MYO3B: variants seen among roughly 807,000 people sequenced by gnomAD.
MYO3B encodes myosin-IIIb.
Under a neutral mutation model 174.6 loss-of-function variants are expected in MYO3B, and 156 were observed. The observed-to-expected ratio is 0.89, with a 90% CI of 0.78 to 1.02. The LOEUF (loss-of-function observed/expected upper bound fraction) is 1.02, where lower values mean the gene tolerates loss of function less well. Ranked by LOEUF, MYO3B falls within the 50% of genes least tolerant of loss-of-function variation. MYO3B has a pLI of 0.00. For synonymous variants in MYO3B, 563 were observed against 569.1 expected (o/e 0.99, Z 0.15); for missense variants, 1,632 against 1,639.4 (o/e 1.00, Z 0.08).
chr2:170,337,499 G>T (rs964244814), intron 8 of MYO3B, among the ~76,000 whole-genome samples: 1 of 152,084 alleles, frequency 6.6e-6, no homozygotes, highest in Admixed American at 6.5e-5. Context: ...GAGTATGTTC[G>T]TAATCATAAA....
intron 5 of MYO3B, among the ~76,000 whole-genome samples, chr2:170,216,521 G>A (rs986830784): frequency 6.6e-6 from 1 of 152,108 alleles, no homozygotes; most frequent in Non-Finnish European, 1.5e-5. Context: ...GGACCTTTAC[G>A]CTCTCGTGAT....
intron 7 of MYO3B, among the ~76,000 whole-genome samples, chr2:170,261,463 G>T (rs2093345546): frequency 6.6e-6 from 1 of 152,232 alleles, no homozygotes; most frequent in South Asian, 2.1e-4. Context: ...TAAGGAGGGA[G>T]AATTGATCCC....
At chr2:170,296,459 C>T (rs374777751) in intron 7 of MYO3B, among the ~76,000 whole-genome samples, 14 of 152,286 alleles carry the variant, frequency 9.2e-5, no homozygotes, top group East Asian at 3.9e-4. Flanking sequence ...ATTATTTAGA[C>T]GTCTCCATGT....
At chr2:170,326,659 T>C (rs1319281616) in intron 7 of MYO3B, among the ~76,000 whole-genome samples, 1 of 152,224 alleles carries the variant, frequency 6.6e-6, no homozygotes, top group Non-Finnish European at 1.5e-5. Flanking sequence ...CTGAATTGCT[T>C]ATGCGTCCTG....
At chr2:170,627,639 ATTTTCTGT>A (rs1696565848) in intron 32 of MYO3B, among the ~76,000 whole-genome samples, 1 of 151,664 alleles carries the variant, frequency 6.6e-6, no homozygotes, top group South Asian at 2.1e-4. Context: ...GATTTTTAGA[ATTTTCTGT>A]TTTTCTGTTC....
intron 25 of MYO3B, 84 bp from the exon 26 acceptor site, chr2:170,498,508 G>A: frequency 2.4e-6 from 2 of 842,164 alleles, no homozygotes; most frequent in East Asian, 2.5e-5. Context: ...TAAAAAACAA[G>A]GTGTGTCAAT....
intron 27 of MYO3B, 121 bp downstream of exon 27, chr2:170,499,929 C>G: frequency 1.4e-6 from 1 of 736,916 alleles, no homozygotes; most frequent in South Asian, 2.1e-5. Context: ...TCCCCTCCCT[C>G]CCTCCCTTCC....
intron 28 of MYO3B, among the ~76,000 whole-genome samples, chr2:170,512,635 C>T (rs2106118808): frequency 6.6e-6 from 1 of 152,274 alleles, no homozygotes; most frequent in Admixed American, 6.5e-5. Flanking sequence ...AGGCCAGAGC[C>T]TCTTTCTGCA....
In MYO3B at chr2:170,554,675, T is replaced by C. The variant is rs1373333969; in HGVS notation, c.3733+10687T>C. 2.6e-5 allele frequency among the ~76,000 whole-genome samples: 4 copies of C among 152,382 alleles called. No homozygotes were observed. In the East Asian group the frequency reaches 7.7e-4, roughly 29 times the overall value. On this transcript the variant is annotated intron_variant, in intron 32 of 34. Transcript: ENST00000408978. ...CTGCAAACATAGCTGTGAAAAGTTC[T>C]TGCTAAACTTTTCCGGTGCTTTCCT...
chr2:170,465,879 CT>C (rs1452377536), intron 24 of MYO3B, among the ~76,000 whole-genome samples: 1 of 152,126 alleles, frequency 6.6e-6, no homozygotes, highest in African/African-American at 2.4e-5. Context: ...GTGGATGCCC[CT>C]GAGGAACAAC....
At chr2:170,551,057 C>G (rs1575152150) in intron 32 of MYO3B, among the ~76,000 whole-genome samples, 3 of 152,108 alleles carry the variant, frequency 2.0e-5, no homozygotes, top group South Asian at 2.1e-4. Context: ...AGCCACCACA[C>G]CTGGCTTTTT....
intron 8 of MYO3B, among the ~76,000 whole-genome samples, chr2:170,357,742 C>T (rs1241547529): frequency 6.6e-6 from 1 of 152,104 alleles, no homozygotes; most frequent in Non-Finnish European, 1.5e-5. Context: ...GGTAGTTCCT[C>T]AAGAAGACAA....
At chr2:170,614,241 A>G (rs1695305548) in intron 32 of MYO3B, among the ~76,000 whole-genome samples, 1 of 152,168 alleles carries the variant, frequency 6.6e-6, no homozygotes, top group African/African-American at 2.4e-5. Flanking sequence ...AATGAGGATA[A>G]TAATTCTCAC....
At chr2:170,466,051 C>A (rs1039933707) in intron 24 of MYO3B, among the ~76,000 whole-genome samples, 2 of 152,096 alleles carry the variant, frequency 1.3e-5, no homozygotes, top group African/African-American at 4.8e-5. Context: ...TTGTATTTTT[C>A]TTTTCTGTCC....
intron 23 of MYO3B, among the ~76,000 whole-genome samples, chr2:170,453,252 C>A (rs1237758521): frequency 6.6e-6 from 1 of 152,154 alleles, no homozygotes; most frequent in Non-Finnish European, 1.5e-5. Flanking sequence ...CCACAGCCCA[C>A]GTTCTATCCT....
At chr2:170,571,517 C>G (rs1692438158) in intron 32 of MYO3B, among the ~76,000 whole-genome samples, 1 of 152,076 alleles carries the variant, frequency 6.6e-6, no homozygotes, top group African/African-American at 2.4e-5. Context: ...CATTTTTGTT[C>G]TGAATGTTGT....
At position 170,180,414 on chromosome 2, in the gene MYO3B, C is replaced by T. The variant is rs564729889; in HGVS notation, c.2+2125C>T. ...ATGTAGAATTCACAGTGAACCCACT[C>T]ACTAATCCTCTTTGTCTCACTCTCT... On this transcript the variant is annotated intron_variant, in intron 1 of 34. Coordinates refer to ENST00000408978, the MANE Select transcript of MYO3B (RefSeq NM_138995.5). 5.3e-5 allele frequency among the ~76,000 whole-genome samples: 8 copies of T among 152,274 alleles called. No homozygotes were observed. In the South Asian group the frequency reaches 1.2e-3, roughly 24 times the overall value.
Position 170,242,671 on chromosome 2 carries a change from A to G in MYO3B, c.749+6535A>G, listed in dbSNP as rs536795342. Reference sequence around the variant, plus strand: ...TCAGGGACTTTGGGTCCCCACCACTACTGAGTAAGAAGCTCACCCTGAGAG... The same window carrying G: ...TCAGGGACTTTGGGTCCCCACCACTGCTGAGTAAGAAGCTCACCCTGAGAG... On this transcript the variant is annotated intron_variant, in intron 7 of 34. Transcript: ENST00000408978. 1.1e-4 allele frequency among the ~76,000 whole-genome samples: 17 copies of G among 152,212 alleles called. No homozygotes were observed. The South Asian group carries it at 1.2e-3, about 11-fold the overall frequency.
chr2:170,391,312 C>T (rs1209540084), intron 14 of MYO3B, among the ~76,000 whole-genome samples: 2 of 152,168 alleles, frequency 1.3e-5, no homozygotes, highest in Non-Finnish European at 2.9e-5. Flanking sequence ...AAACCTTTTG[C>T]TTGTCGTAAA....
Sources: gnomAD v4.1 joint callset for allele counts (sites outside exome capture counted in the v4.1 genomes callset) on GRCh38, gnomAD v4.1.1 for gene constraint, MANE v1.5 for transcripts, NCBI Gene and HGNC (gene_info 2026-07-23, HGNC 2026-07-21) for gene names.